AGBL4: variants seen among roughly 807,000 people sequenced by gnomAD.
AGBL4 encodes AGBL carboxypeptidase 4.
In AGBL4, 58 loss-of-function variants were observed where a neutral mutation model predicts 66.4. The observed-to-expected ratio is 0.87, with a 90% CI of 0.71 to 1.09. The LOEUF is 1.09. Ranked by LOEUF, AGBL4 falls within the 50% of genes least tolerant of loss-of-function variation. The pLI is 0.00. For synonymous variants in AGBL4, 234 were observed against 222.9 expected, an observed-to-expected ratio of 1.05 and a Z score of -0.44; for missense variants, 579 against 631.0, an observed-to-expected ratio of 0.92 and a Z score of 0.88.
At chr1:49,467,584 T>C (rs1449438575) in intron 3 of AGBL4, among the ~76,000 whole-genome samples, 1 of 151,846 alleles carries the variant, frequency 6.6e-6, no homozygotes, top group Non-Finnish European at 1.5e-5. Flanking sequence ...GTGTGATCTA[T>C]GGCCTGAGAA....
At chr1:49,199,618 G>A (rs527893178) in intron 4 of AGBL4, among the ~76,000 whole-genome samples, 1 of 152,260 alleles carries the variant, frequency 6.6e-6, no homozygotes, top group Non-Finnish European at 1.5e-5. Flanking sequence ...TAGACTACTA[G>A]TCTAGTCCTA....
intron 2 of AGBL4, among the ~76,000 whole-genome samples, chr1:49,821,552 T>C (rs1387199078): frequency 1.3e-5 from 2 of 152,202 alleles, no homozygotes; most frequent in Non-Finnish European, 2.9e-5. Flanking sequence ...ATAAGCATTG[T>C]ACTGAGCTAC....
In AGBL4 at chr1:48,879,848, C is replaced by T. The variant is rs1300134257; in HGVS notation, c.595-12618G>A. ...AGCTTTTGATTCTGAAGCCTATGCC[C>T]TTAAAAATACTTTGATCATAGTATA... On this transcript the variant is annotated intron_variant, in intron 5 of 13. Transcript: ENST00000371839. Among the ~76,000 whole-genome samples the T allele has an allele frequency of 1.2e-4, 18 of 152,026 alleles. 1 individual carries two copies. Among genetic ancestry groups the T allele is most frequent in the Non-Finnish European group, 1.5e-5 (1 of 67,986 alleles).
intron 6 of AGBL4, among the ~76,000 whole-genome samples, chr1:48,778,951 C>T (rs1202341618): frequency 6.6e-6 from 1 of 152,136 alleles, no homozygotes; most frequent in Non-Finnish European, 1.5e-5. Flanking sequence ...AGCTGTTGGT[C>T]TTATCTTGCC....
chr1:49,491,416 C>T (rs188229559), intron 3 of AGBL4, among the ~76,000 whole-genome samples: 2 of 151,910 alleles, frequency 1.3e-5, no homozygotes, highest in Non-Finnish European at 2.9e-5. Context: ...CGTATCTTCT[C>T]CCCCTCCTCA....
At chr1:49,450,475 T>C (rs1646254730) in intron 3 of AGBL4, among the ~76,000 whole-genome samples, 1 of 152,112 alleles carries the variant, frequency 6.6e-6, no homozygotes, top group Non-Finnish European at 1.5e-5. Context: ...CAAGTGGCTA[T>C]AGTTCCCATA....
At chr1:48,624,919 T>C (rs960018138) in intron 9 of AGBL4, among the ~76,000 whole-genome samples, 2 of 149,098 alleles carry the variant, frequency 1.3e-5, no homozygotes, top group African/African-American at 5.1e-5. Flanking sequence ...TGTGTGTGTG[T>C]GTGCACGTGA....
At chr1:49,658,850 G>T (rs988582681) in intron 3 of AGBL4, among the ~76,000 whole-genome samples, 1 of 151,230 alleles carries the variant, frequency 6.6e-6, no homozygotes, top group African/African-American at 2.4e-5. Flanking sequence ...ACACACCGGG[G>T]CCTGTTGTGG....
intron 3 of AGBL4, among the ~76,000 whole-genome samples, chr1:49,299,289 G>A (rs1644701278): frequency 6.6e-6 from 1 of 152,198 alleles, no homozygotes; most frequent in Non-Finnish European, 1.5e-5. Flanking sequence ...GAGGAAAGAT[G>A]TCTATAGGTT....
intron 5 of AGBL4, among the ~76,000 whole-genome samples, chr1:48,877,960 G>A (rs911345717): frequency 4.6e-5 from 7 of 151,986 alleles, no homozygotes; most frequent in Non-Finnish European, 8.8e-5. Flanking sequence ...TCTCATTTTC[G>A]CATCTCTAAA....
At chr1:49,640,265 G>A (rs1284137179) in intron 3 of AGBL4, among the ~76,000 whole-genome samples, 2 of 152,164 alleles carry the variant, frequency 1.3e-5, no homozygotes, top group Admixed American at 6.6e-5. Context: ...ATAGAACATT[G>A]TTGCCAAGGT....
rs139732613 is a variant in AGBL4, at chr1:49,165,627, A to G, written c.377+80143T>C. ...TGAGAAAAATGGTACAGAAGAACAGACAAGAAAGGGAAAAGAAGGAGGGAG... is the reference window on the plus strand; with the variant it reads ...TGAGAAAAATGGTACAGAAGAACAGGCAAGAAAGGGAAAAGAAGGAGGGAG... On this transcript the variant is annotated intron_variant, in intron 4 of 13. Transcript: ENST00000371839. Among the ~76,000 whole-genome samples, 9 of 152,050 alleles carry G rather than the reference A, an allele frequency of 5.9e-5. No individual in the cohort carries two copies. In the East Asian group the frequency reaches 1.7e-3, roughly 29 times the overall value.
intron 6 of AGBL4, among the ~76,000 whole-genome samples, chr1:48,710,268 G>A (rs1375654351): frequency 6.6e-6 from 1 of 152,176 alleles, no homozygotes; most frequent in Non-Finnish European, 1.5e-5. Context: ...GGGTTGTGTG[G>A]GACTCTGAGC....
chr1:49,272,876 A>G (rs1437124518), intron 3 of AGBL4, among the ~76,000 whole-genome samples: 1 of 152,212 alleles, frequency 6.6e-6, no homozygotes, highest in African/African-American at 2.4e-5. Context: ...AATCTATAGT[A>G]AATAAAGATA....
chr1:49,807,383 C>A (rs930051239), intron 2 of AGBL4, among the ~76,000 whole-genome samples: 10 of 152,090 alleles, frequency 6.6e-5, no homozygotes, highest in African/African-American at 2.4e-4. Context: ...GATTCTATAT[C>A]CTTAAGGTTT....
At chr1:48,618,943 GAA>G (rs59049128) in intron 9 of AGBL4, among the ~76,000 whole-genome samples, 9 of 145,866 alleles carry the variant, frequency 6.2e-5, no homozygotes, top group African/African-American at 2.0e-4. Context: ...ATTATACCAA[GAA>G]AAAAAAAAAC....
intron 5 of AGBL4, among the ~76,000 whole-genome samples, chr1:49,001,496 G>T (rs1293485348): frequency 2.0e-5 from 3 of 152,168 alleles, no homozygotes; most frequent in African/African-American, 7.2e-5. Flanking sequence ...TCCTCTCCAT[G>T]AACACTTTTG....
At chr1:49,174,592 A>G (rs1646797349) in intron 4 of AGBL4, among the ~76,000 whole-genome samples, 1 of 152,088 alleles carries the variant, frequency 6.6e-6, no homozygotes, top group Non-Finnish European at 1.5e-5. Flanking sequence ...CAGCCAACAG[A>G]GAATGTATAT....
At chr1:49,367,480 T>C (rs772044974) in intron 3 of AGBL4, among the ~76,000 whole-genome samples, 5 of 152,218 alleles carry the variant, frequency 3.3e-5, no homozygotes, top group African/African-American at 9.6e-5. Context: ...GCTTCATGTA[T>C]AGCTTGCAAA....
Sources: allele counts gnomAD v4.1 joint callset (sites outside exome capture counted in the v4.1 genomes callset), GRCh38; gene constraint gnomAD v4.1.1; transcripts MANE v1.5; gene names NCBI Gene and HGNC (gene_info 2026-07-23, HGNC 2026-07-21).